Variants in AGBL1 observed in about 807,000 individuals in gnomAD.
AGBL1 encodes cytosolic carboxypeptidase 4.
A neutral mutation model predicts 118.9 loss-of-function variants in AGBL1; 130 were observed. The observed-to-expected ratio is 1.09, with a 90% CI of 0.95 to 1.26. The LOEUF (loss-of-function observed/expected upper bound fraction) is 1.26. Ranked by LOEUF, AGBL1 falls within the 50% of genes most tolerant of loss-of-function variation. The pLI is 0.00. For synonymous variants in AGBL1, 555 were observed against 478.9 expected, an observed-to-expected ratio of 1.16 and a Z score of -2.08; for missense variants, 1,584 against 1,298.1, an observed-to-expected ratio of 1.22 and a Z score of -3.38.
intron 22 of AGBL1, among the ~76,000 whole-genome samples, chr15:86,701,117 C>T (rs2086351152): frequency 6.6e-6 from 1 of 152,146 alleles, no homozygotes; most frequent in South Asian, 2.1e-4. Context: ...ATTCCATTAT[C>T]CACAGTGCTT....
chr15:86,876,765 A>G (rs1311411490), intron 22 of AGBL1, among the ~76,000 whole-genome samples: 2 of 152,176 alleles, frequency 1.3e-5, no homozygotes, highest in Non-Finnish European at 2.9e-5. Flanking sequence ...ATTTACAAAA[A>G]CAGGCAGTGG....
intron 6 of AGBL1, among the ~76,000 whole-genome samples, chr15:86,234,594 T>C (rs1483489947): frequency 7.0e-6 from 1 of 143,810 alleles, no homozygotes; most frequent in Non-Finnish European, 1.5e-5. Context: ...CAGTGGAGAA[T>C]AGCACTTGCT....
chr15:86,739,310 G>A (rs989633739), intron 22 of AGBL1, among the ~76,000 whole-genome samples: 1 of 151,976 alleles, frequency 6.6e-6, no homozygotes, highest in African/African-American at 2.4e-5. Flanking sequence ...GGGCTTGGTG[G>A]CACATGCCTG....
intron 22 of AGBL1, among the ~76,000 whole-genome samples, chr15:86,904,648 G>A (rs956224636): frequency 2.0e-5 from 3 of 147,748 alleles, no homozygotes; most frequent in Non-Finnish European, 4.5e-5. Flanking sequence ...TATAATAAAT[G>A]TATGTTATTA....
intron 19 of AGBL1, among the ~76,000 whole-genome samples, chr15:86,541,567 C>T (rs1213021664): frequency 7.5e-6 from 1 of 133,800 alleles, no homozygotes; most frequent in Non-Finnish European, 1.5e-5. Flanking sequence ...CATTCTCAGC[C>T]TGGGTGAAAG....
chr15:86,522,382 T>C (rs756051754), intron 18 of AGBL1, among the ~76,000 whole-genome samples: 1 of 152,216 alleles, frequency 6.6e-6, no homozygotes, highest in Non-Finnish European at 1.5e-5. Flanking sequence ...TGTTCTAATG[T>C]CTACCTTGCA....
At chr15:86,948,035 A>C (rs1377545692) in intron 23 of AGBL1, among the ~76,000 whole-genome samples, 1 of 152,156 alleles carries the variant, frequency 6.6e-6, no homozygotes, top group Admixed American at 6.5e-5. Flanking sequence ...GATGAAAGAG[A>C]GCCTTTCAAT....
chr15:86,876,487 T>A (rs1026013084), intron 22 of AGBL1, among the ~76,000 whole-genome samples: 2 of 152,132 alleles, frequency 1.3e-5, no homozygotes, highest in African/African-American at 4.8e-5. Context: ...AGGAACTCCC[T>A]CTCCTGCGGG....
At chr15:86,824,467 T>A (rs1240489514) in intron 22 of AGBL1, among the ~76,000 whole-genome samples, 1 of 152,130 alleles carries the variant, frequency 6.6e-6, no homozygotes, top group Non-Finnish European at 1.5e-5. Context: ...CATACTATGT[T>A]CATGGATTGG....
chr15:86,662,587 G>C (rs1282110733), intron 21 of AGBL1, among the ~76,000 whole-genome samples: 1 of 152,160 alleles, frequency 6.6e-6, no homozygotes, highest in Non-Finnish European at 1.5e-5. Context: ...TGATTCATTG[G>C]CTGCTGCAAT....
intron 5 of AGBL1, among the ~76,000 whole-genome samples, chr15:86,163,853 G>A (rs2077300745): frequency 6.6e-6 from 1 of 152,224 alleles, no homozygotes; most frequent in African/African-American, 2.4e-5. Flanking sequence ...TGCTATGCTA[G>A]GCACTTCATA....
chr15:86,787,051 T>C (rs1225117235), intron 22 of AGBL1, among the ~76,000 whole-genome samples: 6 of 152,322 alleles, frequency 3.9e-5, no homozygotes, highest in African/African-American at 1.4e-4. Context: ...TTGATGTTGT[T>C]TGAAGGGTTA....
intron 5 of AGBL1, among the ~76,000 whole-genome samples, chr15:86,207,174 C>T (rs1024095553): frequency 6.6e-6 from 1 of 152,150 alleles, no homozygotes; most frequent in Non-Finnish European, 1.5e-5. Flanking sequence ...GTCTATCTCT[C>T]TGTTTTGGTA....
intron 22 of AGBL1, among the ~76,000 whole-genome samples, chr15:86,853,686 A>G (rs1448887416): frequency 6.6e-6 from 1 of 152,222 alleles, no homozygotes; most frequent in East Asian, 1.9e-4. Context: ...AATGATTTCT[A>G]AAAAATTTAC....
intron 1 of AGBL1, among the ~76,000 whole-genome samples, chr15:86,083,039 A>T (rs1895391344): frequency 6.6e-6 from 1 of 152,230 alleles, no homozygotes; most frequent in African/African-American, 2.4e-5. Flanking sequence ...AAGAGAATAC[A>T]TCTGAAAAGC....
intron 18 of AGBL1, among the ~76,000 whole-genome samples, chr15:86,426,031 A>AT (rs2081862828): frequency 1.3e-5 from 2 of 152,110 alleles, no homozygotes; most frequent in African/African-American, 4.8e-5. Context: ...GGTAGCAAAC[A>AT]TTTTTTTCAA....
chr15:86,643,220 T>C (rs781507090), intron 21 of AGBL1, among the ~76,000 whole-genome samples: 1 of 152,214 alleles, frequency 6.6e-6, no homozygotes, highest in Non-Finnish European at 1.5e-5. Context: ...ACATATATAT[T>C]CAACATATAT....
At chr15:86,323,418 A>G (rs866653797) in intron 17 of AGBL1, among the ~76,000 whole-genome samples, 1 of 22,296 alleles carries the variant, frequency 4.5e-5, no homozygotes, top group African/African-American at 4.3e-4. Flanking sequence ...CATATTTTGA[A>G]AAAAAAAAAT....
At chr15:86,151,123 A>T (rs1303134292) in intron 3 of AGBL1, among the ~76,000 whole-genome samples, 1 of 151,904 alleles carries the variant, frequency 6.6e-6, no homozygotes, top group South Asian at 2.1e-4. Context: ...TGGACACAGG[A>T]AGGGGAATAT....
Sources: gnomAD v4.1 joint callset for allele counts (sites outside exome capture counted in the v4.1 genomes callset) on GRCh38, gnomAD v4.1.1 for gene constraint, MANE v1.5 for transcripts, NCBI Gene and HGNC (gene_info 2026-07-23, HGNC 2026-07-21) for gene names.